Variants in SPATS2 observed in about 807,000 individuals in gnomAD.
SPATS2 encodes the protein spermatogenesis associated serine rich 2.
SPATS2 carries 38 observed loss-of-function variants against 63.7 expected under a neutral mutation model. The observed-to-expected ratio is 0.60, with a 90% CI of 0.46 to 0.78. The LOEUF is 0.78. Ranked by LOEUF, SPATS2 falls within the 30% of genes least tolerant of loss-of-function variation. SPATS2 has a pLI of 0.00. For synonymous variants in SPATS2, 207 were observed against 232.9 expected, an observed-to-expected ratio of 0.89 and a Z score of 1.01; for missense variants, 588 against 666.2, an observed-to-expected ratio of 0.88 and a Z score of 1.29.
chr12:49,395,238 A>AC (rs141071683), intron 2 of SPATS2, among the ~76,000 whole-genome samples: 14,282 of 151,702 alleles, frequency 0.094, 798 homozygotes, highest in African/African-American at 0.15. Context: ...GCCTCAAGTG[A>AC]CCTCCTGTCT....
intron 2 of SPATS2, among the ~76,000 whole-genome samples, chr12:49,383,590 C>T (rs1172081531): frequency 6.6e-6 from 1 of 151,358 alleles, no homozygotes; most frequent in Non-Finnish European, 1.5e-5. Flanking sequence ...TTTGTAAAGT[C>T]GAGGTCTCAC....
At chr12:49,433,603 G>GT (rs751073328) in intron 2 of SPATS2, among the ~76,000 whole-genome samples, 2 of 152,140 alleles carry the variant, frequency 1.3e-5, no homozygotes, top group Admixed American at 6.5e-5. Flanking sequence ...AGAAATGCCT[G>GT]TTTAACTCCT....
chr12:49,374,473 A>G (rs6580709), intron 2 of SPATS2, among the ~76,000 whole-genome samples: 44,993 of 152,060 alleles, frequency 0.3, 9,000 homozygotes, highest in African/African-American at 0.57. Flanking sequence ...ATAGGCCAGA[A>G]GCCAGCATTT....
chr12:49,510,750 AT>A (rs1481670314), intron 9 of SPATS2, among the ~76,000 whole-genome samples: 1 of 152,134 alleles, frequency 6.6e-6, no homozygotes, highest in Non-Finnish European at 1.5e-5. Context: ...ATAATTAACA[AT>A]TTTTTGGTAC....
chr12:49,497,113 A>G, intron 8 of SPATS2, 104 bp downstream of exon 8: 1 of 1,186,456 alleles, frequency 8.4e-7, no homozygotes, highest in Non-Finnish European at 1.2e-6. Flanking sequence ...GAAGGGCATC[A>G]GTTAATATTT....
chr12:49,493,139 T>C (rs1159290847), intron 6 of SPATS2, among the ~76,000 whole-genome samples: 2 of 150,538 alleles, frequency 1.3e-5, no homozygotes, highest in African/African-American at 2.4e-5. Context: ...AGATGAGAGC[T>C]GTTAAGGCAA....
intron 3 of SPATS2, among the ~76,000 whole-genome samples, chr12:49,478,497 G>C (rs769335544): frequency 6.6e-6 from 1 of 152,124 alleles, no homozygotes; most frequent in Non-Finnish European, 1.5e-5. Flanking sequence ...CAAGCAATTG[G>C]TCACTTTCTT....
At chr12:49,465,177 C>T (rs898143556) in intron 3 of SPATS2, among the ~76,000 whole-genome samples, 1 of 152,124 alleles carries the variant, frequency 6.6e-6, no homozygotes, top group Non-Finnish European at 1.5e-5. Context: ...TGTACATTTG[C>T]TTACAAGTCT....
chr12:49,367,309 C>T (rs139851159), upstream of SPATS2: 1,314 of 375,686 alleles, frequency 3.5e-3, 15 homozygotes, highest in African/African-American at 0.024. Context: ...CGAGAGGGCT[C>T]CGGGGCGGGG....
chr12:49,482,417 G>T (rs554348388), intron 3 of SPATS2, among the ~76,000 whole-genome samples: 2 of 152,254 alleles, frequency 1.3e-5, no homozygotes, highest in Admixed American at 1.3e-4. Context: ...ACTGTCTGAT[G>T]GCGCTTTCTA....
intron 2 of SPATS2, among the ~76,000 whole-genome samples, chr12:49,417,641 G>A (rs1407126287): frequency 6.6e-6 from 1 of 152,144 alleles, no homozygotes; most frequent in African/African-American, 2.4e-5. Context: ...CCGTTTTGCT[G>A]TTTCTTTATC....
chr12:49,500,750 C>T (rs927435785), intron 9 of SPATS2, among the ~76,000 whole-genome samples: 1 of 150,984 alleles, frequency 6.6e-6, no homozygotes, highest in Non-Finnish European at 1.5e-5. Context: ...CCAGGCTGGG[C>T]GACAGAGCGA....
chr12:49,512,099 C>A (rs964122621), intron 9 of SPATS2, among the ~76,000 whole-genome samples: 2 of 152,030 alleles, frequency 1.3e-5, no homozygotes, highest in Non-Finnish European at 2.9e-5. Flanking sequence ...TTTTGATGTG[C>A]TTTTAATAAG....
intron 8 of SPATS2, among the ~76,000 whole-genome samples, chr12:49,499,391 G>GTTATTTTGTTTTGTT (rs1555191368): frequency 2.0e-5 from 3 of 146,444 alleles, no homozygotes; most frequent in African/African-American, 7.6e-5. Flanking sequence ...GTTCTGCCTG[G>GTTATTTTGTTTTGTT]TTGTTTTGTT....
intron 2 of SPATS2, among the ~76,000 whole-genome samples, chr12:49,435,525 CA>C (rs1404754525): frequency 6.7e-6 from 1 of 149,118 alleles, no homozygotes; most frequent in East Asian, 2.0e-4. Flanking sequence ...GGGGTTTTGC[CA>C]TGATGGCCAG....
At chr12:49,386,641 G>T (rs999115110) in intron 2 of SPATS2, among the ~76,000 whole-genome samples, 5 of 152,092 alleles carry the variant, frequency 3.3e-5, no homozygotes, top group Admixed American at 2.6e-4. Context: ...GCAAGGGAGT[G>T]GTATAATATA....
At chr12:49,412,889 A>C (rs1944822456) in intron 2 of SPATS2, among the ~76,000 whole-genome samples, 1 of 152,226 alleles carries the variant, frequency 6.6e-6, no homozygotes, top group Admixed American at 6.5e-5. Context: ...ATAAATGTTA[A>C]AACAATTATA....
chr12:49,374,057 A>G (rs938839156), intron 2 of SPATS2, among the ~76,000 whole-genome samples: 6 of 151,986 alleles, frequency 3.9e-5, no homozygotes, highest in African/African-American at 1.2e-4. Context: ...CTGCACTCCA[A>G]CCTAAACAAC....
intron 3 of SPATS2, among the ~76,000 whole-genome samples, chr12:49,461,872 T>G (rs932632340): frequency 6.6e-6 from 1 of 152,190 alleles, no homozygotes; most frequent in Admixed American, 6.5e-5. Context: ...GAATCTGAGC[T>G]CTAAGGAATG....
Sources: gnomAD v4.1 joint callset for allele counts (sites outside exome capture counted in the v4.1 genomes callset) on GRCh38, gnomAD v4.1.1 for gene constraint, MANE v1.5 for transcripts, NCBI Gene and HGNC (gene_info 2026-07-23, HGNC 2026-07-21) for gene names.